BAIAP2: variants seen among roughly 807,000 people sequenced by gnomAD.
BAIAP2 encodes the protein BAR/IMD domain-containing adapter protein 2.
A neutral mutation model predicts 63.0 loss-of-function variants in BAIAP2; 18 were observed. That is an observed-to-expected ratio of 0.29 (90% CI 0.20 to 0.42). The LOEUF is 0.42. BAIAP2 is among the 10% of genes least tolerant of loss of function. BAIAP2 has a pLI of 1.00. For missense variants in BAIAP2, 610 were observed against 734.3 expected, an observed-to-expected ratio of 0.83 and a Z score of 1.96; for synonymous variants, 386 against 307.6, an observed-to-expected ratio of 1.25 and a Z score of -2.67.
intron 6 of BAIAP2, among the ~76,000 whole-genome samples, chr17:81,097,300 G>T (rs2057789375): frequency 1.3e-5 from 2 of 152,212 alleles, no homozygotes; most frequent in African/African-American, 4.8e-5. Flanking sequence ...GATGTGGCTG[G>T]GCAGGCTCTG....
intron 6 of BAIAP2, chr17:81,087,765 G>A (rs953853938): frequency 6.6e-5 from 10 of 152,194 alleles, no homozygotes; most frequent in African/African-American, 2.4e-4. Context: ...CGCAACTCAG[G>A]CCGTTCTCTA....
chr17:81,079,804 G>A (rs954094715), intron 3 of BAIAP2, among the ~76,000 whole-genome samples: 4 of 152,208 alleles, frequency 2.6e-5, no homozygotes, highest in African/African-American at 9.6e-5. Context: ...GGTCCCACCT[G>A]TGCTGTGGAC....
At chr17:81,055,597 A>G (rs910447848) in intron 2 of BAIAP2, among the ~76,000 whole-genome samples, 15 of 7,978 alleles carry the variant, frequency 1.9e-3, no homozygotes, top group Non-Finnish European at 4.1e-3. Flanking sequence ...ACGGAGTCTC[A>G]CTCTGTTGCC....
chr17:81,078,800 G>A (rs2145083989), intron 3 of BAIAP2, among the ~76,000 whole-genome samples: 1 of 152,262 alleles, frequency 6.6e-6, no homozygotes, highest in East Asian at 1.9e-4. Context: ...CAGGCTGGCA[G>A]CAGATCTTGA....
At chr17:81,101,128 G>A (rs1322379899) in intron 7 of BAIAP2, among the ~76,000 whole-genome samples, 1 of 151,652 alleles carries the variant, frequency 6.6e-6, no homozygotes, top group South Asian at 2.1e-4. Flanking sequence ...CCCGCTAGGC[G>A]TCCCCCAGCA....
rs772086481 is a variant in BAIAP2 at position 81,086,526 on chromosome 17, G to A, written c.435G>A (p.Arg145=). The A allele has an allele frequency of 8.7e-6, 14 of 1,613,966 alleles. No individual in the cohort carries two copies. Among genetic ancestry groups the A allele is most frequent in the Non-Finnish European group, 1.1e-5 (13 of 1,180,030 alleles). The part of the protein sequence containing the change: ...DKCQAELKKL[R]KKSQGSKNPQ... ...GTCAGGCTGAGCTGAAGAAGCTTCG[G>A]AAGAAGAGCCAGGGCAGCAAGAATC... The change falls in exon 6 of 14, where the codon CGG becomes CGA. Residue 145 remains arginine (R), a synonymous_variant. Coordinates refer to ENST00000428708, the MANE Select transcript of BAIAP2 (RefSeq NM_001144888.2).
intron 1 of BAIAP2, among the ~76,000 whole-genome samples, chr17:81,044,531 T>G (rs1191628971): frequency 2.6e-5 from 4 of 152,234 alleles, no homozygotes; most frequent in African/African-American, 7.2e-5. Context: ...AAGACCCTGT[T>G]TCCAAACACA....
intron 1 of BAIAP2, among the ~76,000 whole-genome samples, chr17:81,047,268 C>G (rs1166311205): frequency 6.6e-6 from 1 of 152,156 alleles, no homozygotes; most frequent in Non-Finnish European, 1.5e-5. Flanking sequence ...TGGGCTCCAC[C>G]AAGAGCTGAC....
chr17:81,105,848 C>T (rs118002172), intron 10 of BAIAP2: 19,384 of 478,924 alleles, frequency 0.04, 497 homozygotes, highest in Non-Finnish European at 0.051. Flanking sequence ...CTGGTGGGGC[C>T]GGCAGCTCCC....
intron 1 of BAIAP2, among the ~76,000 whole-genome samples, chr17:81,036,277 C>T (rs935135776): frequency 2.0e-5 from 3 of 152,226 alleles, no homozygotes; most frequent in African/African-American, 2.4e-5. Context: ...CCTGGGCGAT[C>T]TCTTACAGAT....
chr17:81,055,574 G>GTTTTTTGGTTTTTTTTGTTTTT (rs370775327), intron 2 of BAIAP2, among the ~76,000 whole-genome samples: 1 of 123,406 alleles, frequency 8.1e-6, no homozygotes, highest in Non-Finnish European at 1.7e-5. Context: ...AGGGTGTTTT[G>GTTTTTTGGTTTTTTTTGTTTTT]TTTTTTTTTG....
intron 3 of BAIAP2, among the ~76,000 whole-genome samples, chr17:81,064,602 C>CTT (rs11413283): frequency 4.9e-4 from 75 of 152,088 alleles, no homozygotes; most frequent in Admixed American, 1.7e-3. Flanking sequence ...CCCAGAGAGT[C>CTT]TTTTTTTGCT....
At chr17:81,102,283 C>T (rs1598791767) in intron 7 of BAIAP2, among the ~76,000 whole-genome samples, 1 of 152,280 alleles carries the variant, frequency 6.6e-6, no homozygotes, top group East Asian at 1.9e-4. Flanking sequence ...GACGCTGGCT[C>T]GTGGCCGCTG....
intron 1 of BAIAP2, among the ~76,000 whole-genome samples, chr17:81,043,403 T>G (rs917392733): frequency 6.6e-6 from 1 of 152,226 alleles, no homozygotes; most frequent in African/African-American, 2.4e-5. Flanking sequence ...GGGCTGAGAC[T>G]CCAGGGCCTC....
chr17:81,036,841 T>A, intron 1 of BAIAP2: 1 of 1,524,086 alleles, frequency 6.6e-7, no homozygotes, highest in East Asian at 2.4e-5. Context: ...TTAGCTCCAT[T>A]ACGACTTGTT....
chr17:81,079,559 T>C (rs1388386235), intron 3 of BAIAP2, among the ~76,000 whole-genome samples: 2 of 151,732 alleles, frequency 1.3e-5, no homozygotes, highest in Non-Finnish European at 2.9e-5. Flanking sequence ...TAGGCAGCCC[T>C]GGGCTGGTGG....
chr17:81,084,778 G>A (rs1178946612), intron 3 of BAIAP2, 54 bp from the exon 4 acceptor site: 1 of 1,570,312 alleles, frequency 6.4e-7, no homozygotes, highest in Admixed American at 1.7e-5. Flanking sequence ...GGATGACGGT[G>A]GTGACTGCGA....
chr17:81,072,955 T>C (rs942257025), intron 3 of BAIAP2, among the ~76,000 whole-genome samples: 2 of 152,000 alleles, frequency 1.3e-5, no homozygotes, highest in Non-Finnish European at 2.9e-5. Flanking sequence ...ACATGCACGC[T>C]TCCCTGATGA....
In BAIAP2 at chr17:81,085,956, GC is replaced by G. The variant is rs1279215100; in HGVS notation, c.351+235del. On this transcript the variant is annotated intron_variant, in intron 5 of 13. Transcript: ENST00000428708. ...TGACGCCCCACATGCCTGGTTCCATGCCCCGGCTTTGGCCACTTGCGGTGAA... is the reference window on the plus strand; with the variant it reads ...TGACGCCCCACATGCCTGGTTCCATGCCCGGCTTTGGCCACTTGCGGTGAA... Among the ~76,000 whole-genome samples, 3 of 152,256 alleles carry G rather than the reference GC, an allele frequency of 2.0e-5. No individual in the cohort carries two copies. In the East Asian group the frequency reaches 5.8e-4, roughly 29 times the overall value.
Sources: gnomAD v4.1 joint callset for allele counts (sites outside exome capture counted in the v4.1 genomes callset) on GRCh38, gnomAD v4.1.1 for gene constraint, MANE v1.5 for transcripts, NCBI Gene and HGNC (gene_info 2026-07-23, HGNC 2026-07-21) for gene names.